Variants in WDPCP observed in about 807,000 individuals in gnomAD.
The protein encoded by WDPCP is WD repeat containing planar cell polarity effector.
Under a neutral mutation model 93.1 loss-of-function variants are expected in WDPCP, and 71 were observed. The ratio of observed to expected loss-of-function variants is 0.76; its 90% CI spans 0.63 to 0.93. WDPCP has a LOEUF of 0.93. WDPCP is among the 40% of genes least tolerant of loss of function. The probability of loss-of-function intolerance (pLI) is 0.00; values close to 1 mark genes in which losing one functional copy is unlikely to be tolerated. For synonymous variants in WDPCP, 315 were observed against 315.0 expected (o/e 1.00, Z 0.00); for missense variants, 844 against 887.4 (o/e 0.95, Z 0.62).
intron 14 of WDPCP, among the ~76,000 whole-genome samples, chr2:63,250,613 A>C (rs1680633998): frequency 6.6e-6 from 1 of 152,198 alleles, no homozygotes; most frequent in African/African-American, 2.4e-5. Context: ...GAATTATAAA[A>C]ATCTCAAGTT....
chr2:63,399,869 A>T (rs972377640), intron 10 of WDPCP, among the ~76,000 whole-genome samples: 1 of 152,216 alleles, frequency 6.6e-6, no homozygotes, highest in Non-Finnish European at 1.5e-5. Flanking sequence ...TGAAAAGAAC[A>T]TAGGTCTCAC....
At chr2:63,471,099 A>G (rs1699664038) in intron 6 of WDPCP, among the ~76,000 whole-genome samples, 1 of 152,122 alleles carries the variant, frequency 6.6e-6, no homozygotes, top group South Asian at 2.1e-4. Context: ...ACTCTCTTAC[A>G]TATTTTCCTT....
intron 17 of WDPCP, among the ~76,000 whole-genome samples, chr2:63,128,388 A>G (rs538647061): frequency 8.5e-5 from 13 of 152,266 alleles, no homozygotes; most frequent in Middle Eastern, 3.4e-3. Context: ...TTCTGTCTTT[A>G]CCACAAATTT....
intron 6 of WDPCP, chr2:63,442,652 G>A (rs904160291): frequency 4.6e-5 from 7 of 152,134 alleles, no homozygotes; most frequent in African/African-American, 1.7e-4. Flanking sequence ...ATCTTTTGTT[G>A]CCTCTCCCAT....
intron 1 of WDPCP, among the ~76,000 whole-genome samples, chr2:63,520,990 G>A (rs1013194482): frequency 1.3e-5 from 2 of 151,372 alleles, no homozygotes; most frequent in Non-Finnish European, 2.9e-5. Flanking sequence ...ATCCTCTTCA[G>A]ACAAGCAAAC....
intron 2 of WDPCP, among the ~76,000 whole-genome samples, chr2:63,492,009 A>G (rs1417412826): frequency 6.6e-6 from 1 of 152,106 alleles, no homozygotes; most frequent in Non-Finnish European, 1.5e-5. Flanking sequence ...GAGTTTTAGG[A>G]GGGAGCAAAC....
At chr2:63,396,421 G>T (rs1693731377) in intron 10 of WDPCP, among the ~76,000 whole-genome samples, 1 of 152,188 alleles carries the variant, frequency 6.6e-6, no homozygotes, top group South Asian at 2.1e-4. Context: ...GAAGATGTTA[G>T]CTTTAATTAC....
intron 17 of WDPCP, among the ~76,000 whole-genome samples, chr2:63,149,176 G>T (rs1671729607): frequency 6.6e-6 from 1 of 152,166 alleles, no homozygotes; most frequent in South Asian, 2.1e-4. Context: ...GTGAGAAAAA[G>T]GCAAAGAACT....
At chr2:63,229,316 G>A (rs1213383866) in intron 14 of WDPCP, 1 of 152,062 alleles carries the variant, frequency 6.6e-6, no homozygotes, top group African/African-American at 2.4e-5. Context: ...TGAGTTCTTT[G>A]TAGATTCTGG....
intron 17 of WDPCP, among the ~76,000 whole-genome samples, chr2:63,132,745 A>T (rs1441264499): frequency 6.6e-6 from 1 of 151,824 alleles, no homozygotes; most frequent in Non-Finnish European, 1.5e-5. Context: ...CATATAATTT[A>T]CCTGATTTCC....
At chr2:63,291,327 G>A (rs2105013063) in intron 13 of WDPCP, among the ~76,000 whole-genome samples, 1 of 152,256 alleles carries the variant, frequency 6.6e-6, no homozygotes, top group East Asian at 1.9e-4. Context: ...TTAAAAGGAA[G>A]GCTAATACAG....
intron 9 of WDPCP, among the ~76,000 whole-genome samples, chr2:63,409,722 C>T (rs1199448724): frequency 6.6e-6 from 1 of 151,954 alleles, no homozygotes; most frequent in Non-Finnish European, 1.5e-5. Context: ...ATTCAGGAAA[C>T]ATTGGAAACA....
At chr2:63,127,305 A>T (rs1021368365) in intron 17 of WDPCP, among the ~76,000 whole-genome samples, 3 of 151,702 alleles carry the variant, frequency 2.0e-5, no homozygotes, top group Non-Finnish European at 4.4e-5. Flanking sequence ...TTGTATTTTT[A>T]GTAGAGACGG....
chr2:63,584,084 C>T (rs1012640765), intron 1 of WDPCP, among the ~76,000 whole-genome samples: 1 of 152,024 alleles, frequency 6.6e-6, no homozygotes, highest in Non-Finnish European at 1.5e-5. Flanking sequence ...CACTTGAGCC[C>T]AGGAAATCGC....
rs142912221 is a variant in WDPCP at position 63,275,685 on chromosome 2, A to C, written c.1813-16276T>G. ...CAAGAAATGTTTAACCAAGAAGGTG[A>C]AAGACCTGTATGAGGAAAATGAAAT... On this transcript the variant is annotated intron_variant, in intron 13 of 17. Transcript: ENST00000272321. Among the ~76,000 whole-genome samples the C allele has an allele frequency of 1.6e-4, 25 of 152,344 alleles. 1 individual carries two copies. The East Asian group carries it at 4.6e-3, about 28-fold the overall frequency.
At chr2:63,479,119 C>T (rs1020307687) in intron 6 of WDPCP, among the ~76,000 whole-genome samples, 4 of 151,702 alleles carry the variant, frequency 2.6e-5, no homozygotes, top group Non-Finnish European at 5.9e-5. Context: ...AAATATACAA[C>T]CTTCCTAGAT....
intron 2 of WDPCP, among the ~76,000 whole-genome samples, chr2:63,703,161 G>A (rs1301925185): frequency 6.6e-6 from 1 of 152,140 alleles, no homozygotes; most frequent in Non-Finnish European, 1.5e-5. Flanking sequence ...TTGCTATTGT[G>A]AATAGTGCTG....
the WDPCP span, among the ~76,000 whole-genome samples, chr2:63,838,794 G>T: frequency 6.6e-6 from 1 of 152,182 alleles, no homozygotes; most frequent in East Asian, 1.9e-4. Context: ...GCATGTCTTT[G>T]CTCCATGGCC....
chr2:63,506,837 G>T (rs575238066), intron 1 of WDPCP, among the ~76,000 whole-genome samples: 69 of 152,136 alleles, frequency 4.5e-4, no homozygotes, highest in African/African-American at 1.6e-3. Context: ...GTAAAACATT[G>T]CTGAGAGTGA....
Sources: gnomAD v4.1 joint callset for allele counts (sites outside exome capture counted in the v4.1 genomes callset) on GRCh38, gnomAD v4.1.1 for gene constraint, MANE v1.5 for transcripts, NCBI Gene and HGNC (gene_info 2026-07-23, HGNC 2026-07-21) for gene names.